LIMS1: variants seen among roughly 807,000 people sequenced by gnomAD.
The protein encoded by LIMS1 is LIM and senescent cell antigen-like-containing domain protein 1.
A neutral mutation model predicts 44.1 loss-of-function variants in LIMS1; 18 were observed. That is an observed-to-expected ratio of 0.41 (90% CI 0.28 to 0.61). The LOEUF (loss-of-function observed/expected upper bound fraction) is 0.61, where lower values mean the gene tolerates loss of function less well. Among genes scored for constraint, LIMS1 ranks in the 20% least tolerant of loss-of-function variants. The pLI is 0.32. For missense variants in LIMS1, 201 were observed against 422.0 expected, an observed-to-expected ratio of 0.48 and a Z score of 4.59; for synonymous variants, 93 against 149.1, an observed-to-expected ratio of 0.62 and a Z score of 2.74.
At chr2:108,552,600 G>GTGTATGTGTGTA (rs1573315278) in intron 1 of LIMS1, among the ~76,000 whole-genome samples, 1 of 149,776 alleles carries the variant, frequency 6.7e-6, no homozygotes, top group Non-Finnish European at 1.5e-5. Context: ...GTGTGTGTGT[G>GTGTATGTGTGTA]TGTGTGTGTG....
intron 1 of LIMS1, among the ~76,000 whole-genome samples, chr2:108,552,137 TAACTA>T (rs1253562030): frequency 6.9e-6 from 1 of 145,946 alleles, no homozygotes; most frequent in Non-Finnish European, 1.5e-5. Flanking sequence ...TATATATACT[TAACTA>T]TATAATTATA....
intron 2 of LIMS1, among the ~76,000 whole-genome samples, chr2:108,663,253 G>GAGTC (rs1308496767): frequency 1.3e-5 from 2 of 152,026 alleles, no homozygotes; most frequent in East Asian, 3.9e-4. Flanking sequence ...CTAGTAGCTA[G>GAGTC]GACTACAGGC....
rs149805853 is a variant in LIMS1 at position 108,553,651 on chromosome 2, A to G, written c.32+19057A>G. On this transcript the variant is annotated intron_variant, in intron 1 of 9. Coordinates refer to ENST00000544547, the Ensembl canonical transcript of LIMS1. ...CAAAACACTCTTATTAGTGCCATAAACTACTAAGGAACAGGAAATTCCAAA... is the reference window on the plus strand; with the variant it reads ...CAAAACACTCTTATTAGTGCCATAAGCTACTAAGGAACAGGAAATTCCAAA... 5.3e-5 allele frequency among the ~76,000 whole-genome samples: 8 copies of G among 152,314 alleles called. No individual in the cohort carries two copies. The East Asian group carries it at 1.5e-3, about 29-fold the overall frequency.
intron 1 of LIMS1, among the ~76,000 whole-genome samples, chr2:108,595,953 T>C (rs1686661212): frequency 6.6e-6 from 1 of 152,116 alleles, no homozygotes; most frequent in Non-Finnish European, 1.5e-5. Context: ...AACCTGAGGT[T>C]ATCTGTGGAG....
chr2:108,554,245 A>T (rs1661094459), intron 1 of LIMS1, among the ~76,000 whole-genome samples: 1 of 152,130 alleles, frequency 6.6e-6, no homozygotes, highest in Non-Finnish European at 1.5e-5. Flanking sequence ...CCTGTGGAAA[A>T]TCTAGGAGAT....
At chr2:108,656,275 A>G (rs1359529258) in intron 1 of LIMS1, among the ~76,000 whole-genome samples, 1 of 150,138 alleles carries the variant, frequency 6.7e-6, no homozygotes, top group Non-Finnish European at 1.5e-5. Flanking sequence ...TTCATCAGTC[A>G]TGCCTGTCCT....
At chr2:108,608,265 G>A (rs4676202) in intron 1 of LIMS1, among the ~76,000 whole-genome samples, 94,973 of 151,554 alleles carry the variant, frequency 0.63, 30,309 homozygotes, top group East Asian at 0.97. Flanking sequence ...TTTCCTTGGT[G>A]TATACTGTTT....
At chr2:108,581,156 C>G (rs1349062593) in intron 1 of LIMS1, among the ~76,000 whole-genome samples, 2 of 152,200 alleles carry the variant, frequency 1.3e-5, no homozygotes, top group Non-Finnish European at 1.5e-5. Flanking sequence ...CCTGTGAAAT[C>G]TCTGAGCGCA....
chr2:108,536,002 A>G (rs540769620), intron 1 of LIMS1, among the ~76,000 whole-genome samples: 1 of 152,178 alleles, frequency 6.6e-6, no homozygotes, highest in Non-Finnish European at 1.5e-5. Context: ...CTCCTTCATC[A>G]TGGACTTTTT....
intron 1 of LIMS1, among the ~76,000 whole-genome samples, chr2:108,633,712 T>G (rs1455260860): frequency 1.3e-5 from 2 of 152,264 alleles, no homozygotes; most frequent in Non-Finnish European, 2.9e-5. Context: ...GTCATACAAG[T>G]GCATGTTTGC....
chr2:108,686,747 G>A (rs1427158683), exon 10 of LIMS1: 6 of 150,860 alleles, frequency 4.0e-5, no homozygotes, highest in Non-Finnish European at 7.4e-5. Flanking sequence ...CTGCACTCCA[G>A]CCTGGGCGAC....
At chr2:108,662,008 A>C (rs1558834957) in intron 2 of LIMS1, among the ~76,000 whole-genome samples, 1 of 152,116 alleles carries the variant, frequency 6.6e-6, no homozygotes, top group Non-Finnish European at 1.5e-5. Context: ...TCCCTTACAT[A>C]TTCTTTTTAA....
intron 1 of LIMS1, among the ~76,000 whole-genome samples, chr2:108,621,655 T>C (rs1688248459): frequency 6.6e-6 from 1 of 152,224 alleles, no homozygotes; most frequent in African/African-American, 2.4e-5. Context: ...CTTTTGCCCA[T>C]TTCTTCACAA....
intron 1 of LIMS1, among the ~76,000 whole-genome samples, chr2:108,577,301 A>C (rs569635764): frequency 6.6e-6 from 1 of 152,302 alleles, no homozygotes; most frequent in East Asian, 1.9e-4. Flanking sequence ...TCCGTGATGA[A>C]CCCGGTAAGG....
intron 1 of LIMS1, chr2:108,621,455 A>G (rs1386629512): frequency 1.3e-6 from 2 of 1,550,366 alleles, no homozygotes; most frequent in Non-Finnish European, 1.7e-6. Context: ...CCAGAGGAAG[A>G]GCTAAGGTGA....
chr2:108,597,693 CTTTT>C (rs10693112), intron 1 of LIMS1, among the ~76,000 whole-genome samples: 11 of 108,500 alleles, frequency 1.0e-4, no homozygotes, highest in African/African-American at 1.1e-4. Context: ...AGCAAAAATG[CTTTT>C]TTTTTTTTTT....
intron 2 of LIMS1, chr2:108,660,417 C>T: frequency 2.3e-6 from 1 of 426,474 alleles, no homozygotes; most frequent in Non-Finnish European, 4.7e-6. Context: ...TACCGAAACC[C>T]CTTTCTTGTT....
chr2:108,543,731 C>G (rs1684390910), intron 1 of LIMS1, among the ~76,000 whole-genome samples: 1 of 152,160 alleles, frequency 6.6e-6, no homozygotes, highest in Non-Finnish European at 1.5e-5. Context: ...GCACACTTAC[C>G]TGTAGACATA....
At chr2:108,556,203 C>G (rs1428788747) in intron 1 of LIMS1, among the ~76,000 whole-genome samples, 2 of 152,084 alleles carry the variant, frequency 1.3e-5, no homozygotes, top group Non-Finnish European at 2.9e-5. Flanking sequence ...TATTTTTATC[C>G]TTTTGTGTCT....
Sources: allele counts gnomAD v4.1 joint callset (sites outside exome capture counted in the v4.1 genomes callset), GRCh38; gene constraint gnomAD v4.1.1; transcripts MANE v1.5; gene names NCBI Gene and HGNC (gene_info 2026-07-23, HGNC 2026-07-21).